Variants in ITK observed in about 807,000 individuals in gnomAD.
ITK encodes the protein tyrosine-protein kinase ITK/TSK.
A neutral mutation model predicts 87.6 loss-of-function variants in ITK; 45 were observed. The ratio of observed to expected loss-of-function variants is 0.51; its 90% CI spans 0.40 to 0.66. The LOEUF (loss-of-function observed/expected upper bound fraction) is 0.66, where lower values mean the gene tolerates loss of function less well. ITK is among the 30% of genes least tolerant of loss of function. ITK has a pLI of 0.00. For missense variants in ITK, 605 were observed against 766.3 expected, an observed-to-expected ratio of 0.79 and a Z score of 2.48; for synonymous variants, 303 against 273.6, an observed-to-expected ratio of 1.11 and a Z score of -1.06.
At chr5:157,201,631 C>T (rs1753976943) in intron 1 of ITK, among the ~76,000 whole-genome samples, 1 of 151,212 alleles carries the variant, frequency 6.6e-6, no homozygotes, top group Non-Finnish European at 1.5e-5. Flanking sequence ...CGACACTGTT[C>T]TGCAAGTACT....
intron 5 of ITK, among the ~76,000 whole-genome samples, chr5:157,218,454 C>T (rs1754344043): frequency 6.6e-6 from 1 of 150,778 alleles, no homozygotes; most frequent in South Asian, 2.1e-4. Flanking sequence ...CTGCAGTGAG[C>T]CATGACTGTG....
rs906806169 is a variant in ITK, at chr5:157,190,975, A to G, written c.138+9860A>G. 5.9e-5 allele frequency among the ~76,000 whole-genome samples: 9 copies of G among 152,262 alleles called. No individual in the cohort carries two copies. In the South Asian group the frequency reaches 1.5e-3, roughly 25 times the overall value. On this transcript the variant is annotated intron_variant, in intron 1 of 16. Transcript: ENST00000422843. ...GTGGGTGTGAGTCCCTCCATCTAGA[A>G]GTGAACTGACAGCTATGGGGTCAGC...
chr5:157,242,309 T>C (rs1375277919), intron 11 of ITK, among the ~76,000 whole-genome samples: 2 of 152,218 alleles, frequency 1.3e-5, no homozygotes, highest in African/African-American at 4.8e-5. Context: ...TGGTCCCAAC[T>C]GTGTGCTGCC....
chr5:157,229,892 C>A (rs977259329), intron 7 of ITK, among the ~76,000 whole-genome samples: 12 of 152,212 alleles, frequency 7.9e-5, no homozygotes, highest in Middle Eastern at 3.4e-3. Context: ...CCAGCCTGGG[C>A]AACAAGAGCG....
At chr5:157,204,388 C>A (rs947702482) in intron 1 of ITK, among the ~76,000 whole-genome samples, 2 of 151,958 alleles carry the variant, frequency 1.3e-5, no homozygotes, top group African/African-American at 4.8e-5. Context: ...TGGTGAAACC[C>A]CATCTCTACT....
intron 8 of ITK, among the ~76,000 whole-genome samples, chr5:157,235,966 A>G (rs1231026379): frequency 6.6e-6 from 1 of 152,236 alleles, no homozygotes; most frequent in African/African-American, 2.4e-5. Context: ...TTCTTGTCCT[A>G]GTATTGTATT....
intron 5 of ITK, among the ~76,000 whole-genome samples, chr5:157,220,521 C>T (rs548750910): frequency 9.5e-4 from 145 of 152,262 alleles, no homozygotes; most frequent in African/African-American, 3.4e-3. Flanking sequence ...CCCTCAGCCC[C>T]GTGGAGCTCT....
intron 1 of ITK, among the ~76,000 whole-genome samples, chr5:157,197,464 CTG>C (rs2113743935): frequency 6.6e-6 from 1 of 152,342 alleles, no homozygotes; most frequent in South Asian, 2.1e-4. Context: ...TTCACACTCT[CTG>C]TAAAAACTTC....
intron 1 of ITK, among the ~76,000 whole-genome samples, chr5:157,197,524 C>A (rs1168969995): frequency 6.6e-6 from 1 of 152,172 alleles, no homozygotes; most frequent in East Asian, 1.9e-4. Flanking sequence ...CACAGTGGAA[C>A]CTACAACAAA....
At chr5:157,217,670 C>A (rs2113757787) in intron 4 of ITK, among the ~76,000 whole-genome samples, 197 bp from the exon 5 acceptor site, 1 of 152,314 alleles carries the variant, frequency 6.6e-6, no homozygotes, top group Middle Eastern at 3.4e-3. Flanking sequence ...CAGAAACCAG[C>A]AGGCCCAAGG....
chr5:157,211,193 C>A, intron 2 of ITK, 94 bp from the exon 3 acceptor site: 2 of 1,001,212 alleles, frequency 2.0e-6, no homozygotes, highest in Non-Finnish European at 3.2e-6. Flanking sequence ...TGACGATAAA[C>A]ACCCGAGACC....
intron 1 of ITK, among the ~76,000 whole-genome samples, chr5:157,183,950 G>A (rs1053590927): frequency 8.5e-5 from 13 of 152,246 alleles, no homozygotes; most frequent in African/African-American, 3.1e-4. Context: ...AATACTAATT[G>A]ATTGAGGTTT....
At chr5:157,224,711 G>A (rs2421470) in intron 6 of ITK, among the ~76,000 whole-genome samples, 33,265 of 152,020 alleles carry the variant, frequency 0.22, 4,341 homozygotes, top group South Asian at 0.36. Flanking sequence ...AACCTGGGAG[G>A]TGGAGGTTGC....
chr5:157,231,400 G>A (rs758525022), intron 7 of ITK, among the ~76,000 whole-genome samples: 1 of 152,182 alleles, frequency 6.6e-6, no homozygotes, highest in Non-Finnish European at 1.5e-5. Context: ...TGGCCTGTGT[G>A]TGAGATGAAG....
intron 13 of ITK, 99 bp downstream of exon 13, chr5:157,244,577 A>G: frequency 1.3e-6 from 1 of 775,360 alleles, no homozygotes; most frequent in East Asian, 2.6e-5. Flanking sequence ...ATTACAGATA[A>G]TCTCCTTTCC....
At chr5:157,213,819 G>A (rs1473706462) in intron 3 of ITK, 5 of 359,736 alleles carry the variant, frequency 1.4e-5, no homozygotes, top group Non-Finnish European at 2.2e-5. Context: ...GAGGTGGGGG[G>A]TGGTAATTCC....
chr5:157,199,111 T>C (rs947846959), intron 1 of ITK: 1 of 152,182 alleles, frequency 6.6e-6, no homozygotes, highest in African/African-American at 2.4e-5. Flanking sequence ...TTAATTAACT[T>C]AATGATTCAG....
intron 1 of ITK, among the ~76,000 whole-genome samples, chr5:157,197,315 C>A (rs551272810): frequency 6.6e-6 from 1 of 152,150 alleles, no homozygotes; most frequent in Non-Finnish European, 1.5e-5. Context: ...GTTACAAGGG[C>A]GTGCATCATT....
At chr5:157,183,125 ATTAT>A (rs1445109453) in intron 1 of ITK, among the ~76,000 whole-genome samples, 2 of 151,964 alleles carry the variant, frequency 1.3e-5, no homozygotes, top group African/African-American at 2.4e-5. Flanking sequence ...TATTTCTTTA[ATTAT>A]TTAATTATTA....
Sources: gnomAD v4.1 joint callset for allele counts (sites outside exome capture counted in the v4.1 genomes callset) on GRCh38, gnomAD v4.1.1 for gene constraint, MANE v1.5 for transcripts, NCBI Gene and HGNC (gene_info 2026-07-23, HGNC 2026-07-21) for gene names.